The following TEC variants were observed in gnomAD, a reference collection of about 807,000 sequenced individuals.
The protein encoded by TEC is tec protein tyrosine kinase.
Under a neutral mutation model 93.0 loss-of-function variants are expected in TEC, and 72 were observed. That is an observed-to-expected ratio of 0.77 (90% CI 0.64 to 0.94). The LOEUF (loss-of-function observed/expected upper bound fraction) is 0.94. Among genes scored for constraint, TEC ranks in the 40% least tolerant of loss-of-function variants. The probability of loss-of-function intolerance (pLI) is 0.00; values close to 1 mark genes in which losing one functional copy is unlikely to be tolerated. For synonymous variants in TEC, 249 were observed against 247.7 expected (o/e 1.01, Z -0.05); for missense variants, 630 against 757.9 (o/e 0.83, Z 1.98).
At position 48,136,285 on chromosome 4, in the gene TEC, G is replaced by C. The variant is rs1719415534; in HGVS notation, c.*1131C>G. On this transcript the variant is annotated 3_prime_UTR_variant, in exon 18 of 18. Coordinates refer to ENST00000381501, the MANE Select transcript of TEC (RefSeq NM_003215.3). ...GGCTGTACAACAATCCCACCATCCA[G>C]GAACCCAAGTCCAACCAGGCCTCCT... The C allele has an allele frequency of 6.6e-6, 1 of 152,210 alleles. No individual in the cohort carries two copies. Among genetic ancestry groups the C allele is most frequent in the Admixed American group, 6.6e-5 (1 of 15,262 alleles). The allele number at this position is 152,210 out of a possible 1,614,324, so 9.4% of individuals were successfully genotyped here. A position where few individuals can be genotyped will look rare whatever the true frequency, so the allele number is the denominator to read the frequency against.
chr4:48,206,777 C>CAAAAAAAAA (rs34761710), intron 2 of TEC, among the ~76,000 whole-genome samples: 5 of 89,162 alleles, frequency 5.6e-5, no homozygotes, highest in Non-Finnish European at 1.2e-4. Flanking sequence ...CTCGTTGCTA[C>CAAAAAAAAA]AAAAAAAAAA....
At chr4:48,255,808 CTAT>C (rs1232438527) in intron 1 of TEC, among the ~76,000 whole-genome samples, 2 of 151,994 alleles carry the variant, frequency 1.3e-5, no homozygotes, top group African/African-American at 4.8e-5. Flanking sequence ...TCAATGGCAG[CTAT>C]TATTATCAAA....
intron 1 of TEC, among the ~76,000 whole-genome samples, chr4:48,256,968 T>C (rs1724362731): frequency 6.6e-6 from 1 of 152,226 alleles, no homozygotes; most frequent in Non-Finnish European, 1.5e-5. Context: ...CCAGTGCGAA[T>C]GGCGAACCAC....
intron 2 of TEC, among the ~76,000 whole-genome samples, chr4:48,197,719 T>A (rs1722347813): frequency 6.6e-6 from 1 of 152,238 alleles, no homozygotes; most frequent in South Asian, 2.1e-4. Context: ...TGAATTCTTA[T>A]ACTTTCATGT....
At chr4:48,215,771 G>A (rs983702267) in intron 2 of TEC, among the ~76,000 whole-genome samples, 14 of 152,094 alleles carry the variant, frequency 9.2e-5, no homozygotes, top group African/African-American at 3.4e-4. Context: ...CCATATTATT[G>A]ACACTGTATA....
At chr4:48,236,165 T>C (rs1226867461) in intron 1 of TEC, among the ~76,000 whole-genome samples, 14 of 152,282 alleles carry the variant, frequency 9.2e-5, no homozygotes, top group South Asian at 4.1e-4. Flanking sequence ...AAGGGAGATG[T>C]CCCCTCTGAG....
At chr4:48,242,257 A>G (rs1369955862) in intron 1 of TEC, among the ~76,000 whole-genome samples, 3 of 152,242 alleles carry the variant, frequency 2.0e-5, no homozygotes, top group Admixed American at 6.5e-5. Flanking sequence ...ATTTCTCAAA[A>G]GCATATTTCC....
intron 14 of TEC, 46 bp downstream of exon 14, chr4:48,145,033 C>A: frequency 1.3e-6 from 2 of 1,566,732 alleles, no homozygotes; most frequent in Non-Finnish European, 1.8e-6. Context: ...GCCAGTGTTA[C>A]AAAGGAATTC....
intron 2 of TEC, among the ~76,000 whole-genome samples, chr4:48,184,147 A>G (rs1721707397): frequency 1.3e-5 from 2 of 152,216 alleles, no homozygotes; most frequent in South Asian, 4.1e-4. Context: ...GAATCCTCAC[A>G]GCATTATAAC....
chr4:48,163,392 CTGAA>C (rs1720752620), intron 8 of TEC, among the ~76,000 whole-genome samples: 1 of 152,104 alleles, frequency 6.6e-6, no homozygotes. Context: ...TGCTTATGTC[CTGAA>C]TGAATGGACA....
chr4:48,246,706 T>C (rs1308145884), intron 1 of TEC, among the ~76,000 whole-genome samples: 1 of 152,182 alleles, frequency 6.6e-6, no homozygotes, highest in Non-Finnish European at 1.5e-5. Context: ...GATAACTGGA[T>C]ACAAATAAAT....
chr4:48,162,122 C>G (rs1720693171), intron 8 of TEC, among the ~76,000 whole-genome samples: 1 of 152,104 alleles, frequency 6.6e-6, no homozygotes, highest in African/African-American at 2.4e-5. Context: ...TTGGCCAAAA[C>G]AAAACAAAAC....
intron 2 of TEC, among the ~76,000 whole-genome samples, chr4:48,219,891 T>C (rs914920413): frequency 6.6e-6 from 1 of 152,086 alleles, no homozygotes; most frequent in African/African-American, 2.4e-5. Flanking sequence ...TACAATCTCT[T>C]GTCTCCACAC....
At chr4:48,233,827 A>G (rs1249383019) in intron 1 of TEC, among the ~76,000 whole-genome samples, 1 of 151,910 alleles carries the variant, frequency 6.6e-6, no homozygotes, top group Non-Finnish European at 1.5e-5. Flanking sequence ...AAAAAAAAAA[A>G]AAATTAAGAC....
At chr4:48,208,188 A>G (rs1486124996) in intron 2 of TEC, among the ~76,000 whole-genome samples, 1 of 152,218 alleles carries the variant, frequency 6.6e-6, no homozygotes, top group East Asian at 1.9e-4. Context: ...ATGAATGCTT[A>G]ATAACAATTT....
At chr4:48,153,358 A>G (rs1206506598) in intron 9 of TEC, 1 of 152,186 alleles carries the variant, frequency 6.6e-6, no homozygotes, top group Non-Finnish European at 1.5e-5. Flanking sequence ...AGGATGAGCC[A>G]CTACAGGAGA....
intron 3 of TEC, 94 bp downstream of exon 3, chr4:48,175,988 A>G: frequency 1.0e-6 from 1 of 964,858 alleles, no homozygotes; most frequent in Non-Finnish European, 1.6e-6. Context: ...GAACCTACAA[A>G]TCAGCCAGCA....
chr4:48,151,383 A>AT (rs1350810840), intron 9 of TEC, among the ~76,000 whole-genome samples: 1 of 152,158 alleles, frequency 6.6e-6, no homozygotes, highest in Non-Finnish European at 1.5e-5. Context: ...ACTCAGTATG[A>AT]TTTTCAATCC....
chr4:48,160,529 C>A (rs187094019), intron 8 of TEC, among the ~76,000 whole-genome samples: 6 of 152,108 alleles, frequency 3.9e-5, no homozygotes, highest in Admixed American at 2.6e-4. Context: ...GAGTTTGAGA[C>A]CAGCCTGGCC....
Sources: allele counts gnomAD v4.1 joint callset (sites outside exome capture counted in the v4.1 genomes callset), GRCh38; gene constraint gnomAD v4.1.1; transcripts MANE v1.5; gene names NCBI Gene and HGNC (gene_info 2026-07-23, HGNC 2026-07-21).